MEI4: variants seen among roughly 807,000 people sequenced by gnomAD.
The protein encoded by MEI4 is meiosis-specific protein MEI4.
Under a neutral mutation model 31.4 loss-of-function variants are expected in MEI4, and 27 were observed. The observed-to-expected ratio is 0.86, with a 90% CI of 0.63 to 1.19. The LOEUF (loss-of-function observed/expected upper bound fraction) is 1.19. Ranked by LOEUF, MEI4 falls within the 50% of genes most tolerant of loss-of-function variation. The pLI, the probability that MEI4 is intolerant of heterozygous loss-of-function variation, is 0.00. For missense variants in MEI4, 329 were observed against 398.9 expected (o/e 0.82, Z 1.49); for synonymous variants, 122 against 145.4 (o/e 0.84, Z 1.16).
At chr6:77,821,287 T>C (rs924559711) in intron 3 of MEI4, among the ~76,000 whole-genome samples, 1 of 152,236 alleles carries the variant, frequency 6.6e-6, no homozygotes, top group Non-Finnish European at 1.5e-5. Flanking sequence ...TCAAGTTTAC[T>C]TGGTCAACTT....
intron 2 of MEI4, among the ~76,000 whole-genome samples, chr6:77,697,089 AT>A (rs1766068420): frequency 1.3e-5 from 2 of 152,158 alleles, no homozygotes; most frequent in South Asian, 4.1e-4. Context: ...GGTAGTTTGT[AT>A]TTCTGTGTGA....
intron 2 of MEI4, among the ~76,000 whole-genome samples, chr6:77,757,676 T>C (rs1767947724): frequency 6.6e-6 from 1 of 152,224 alleles, no homozygotes; most frequent in Non-Finnish European, 1.5e-5. Context: ...GAAGTTAAGC[T>C]TACCTTTAAG....
At chr6:77,763,447 C>A (rs1768089548) in intron 3 of MEI4, among the ~76,000 whole-genome samples, 1 of 152,120 alleles carries the variant, frequency 6.6e-6, no homozygotes. Context: ...ATGGTTTAGT[C>A]CATGGTGGCA....
At position 77,870,971 on chromosome 6, in the gene MEI4, C is replaced by T. The variant is rs1412751260; in HGVS notation, c.900+41909C>T. ...GTAATTCTGCATTTTTTACAAGTGCCTGTGAATTATATGTAAAGAAGACTT... is the reference window on the plus strand; with the variant it reads ...GTAATTCTGCATTTTTTACAAGTGCTTGTGAATTATATGTAAAGAAGACTT... On this transcript the variant is annotated intron_variant, in intron 4 of 4. Coordinates refer to ENST00000684080, the MANE Select transcript of MEI4 (RefSeq NM_001322247.2). Among the ~76,000 whole-genome samples the T allele has an allele frequency of 6.6e-5, 10 of 152,028 alleles. 1 individual carries two copies. The highest frequency in any genetic ancestry group is 6.6e-4 in the Admixed American group (10 of 15,246).
intron 2 of MEI4, among the ~76,000 whole-genome samples, chr6:77,711,555 A>T (rs1561954350): frequency 6.6e-6 from 1 of 152,092 alleles, no homozygotes; most frequent in Non-Finnish European, 1.5e-5. Flanking sequence ...CATGAATGAC[A>T]ATGGTGAGGG....
At position 77,868,731 on chromosome 6, in the gene MEI4, G is replaced by T. The variant is rs1016999874; in HGVS notation, c.900+39669G>T. The stretch of plus-strand genomic sequence containing the variant: ...ATTTTCCTCAGAGTTTAAAAAGAAA[G>T]AGAAAGCTATTAAGCAACACTCTCC... On this transcript the variant is annotated intron_variant, in intron 4 of 4. Coordinates refer to ENST00000684080, the MANE Select transcript of MEI4 (RefSeq NM_001322247.2). 4.6e-5 allele frequency among the ~76,000 whole-genome samples: 7 copies of T among 151,808 alleles called. 1 individual carries two copies. Among genetic ancestry groups the T allele is most frequent in the Admixed American group, 4.6e-4 (7 of 15,188 alleles).
chr6:77,688,825 T>C (rs904131078), intron 1 of MEI4, among the ~76,000 whole-genome samples: 7 of 152,116 alleles, frequency 4.6e-5, no homozygotes, highest in Non-Finnish European at 7.4e-5. Flanking sequence ...ATGTCTGTCC[T>C]GTGCACATAG....
At chr6:77,800,783 C>G (rs888427444) in intron 3 of MEI4, among the ~76,000 whole-genome samples, 6 of 152,002 alleles carry the variant, frequency 3.9e-5, no homozygotes, top group African/African-American at 1.4e-4. Flanking sequence ...TGTTTATATG[C>G]TGAATTAAGT....
chr6:77,766,999 A>C (rs1768192386), intron 3 of MEI4, among the ~76,000 whole-genome samples: 1 of 152,084 alleles, frequency 6.6e-6, no homozygotes, highest in Admixed American at 6.6e-5. Flanking sequence ...CAGTTACTTA[A>C]CCACTCTGCT....
chr6:77,684,894 G>T (rs960429479), intron 1 of MEI4, among the ~76,000 whole-genome samples: 5 of 152,064 alleles, frequency 3.3e-5, no homozygotes, highest in Admixed American at 3.3e-4. Flanking sequence ...ACATATGGTA[G>T]CTCAATTTTT....
At chr6:77,769,709 C>A (rs1016594243) in intron 3 of MEI4, among the ~76,000 whole-genome samples, 1 of 152,070 alleles carries the variant, frequency 6.6e-6, no homozygotes, top group Non-Finnish European at 1.5e-5. Flanking sequence ...CCATCCCAGA[C>A]CCTAGCTCCT....
chr6:77,677,545 A>G (rs113552967), intron 1 of MEI4, among the ~76,000 whole-genome samples: 166 of 152,296 alleles, frequency 1.1e-3, no homozygotes, highest in African/African-American at 2.6e-3. Flanking sequence ...TTCTGTCCTG[A>G]CACTTTTTCT....
intron 3 of MEI4, among the ~76,000 whole-genome samples, chr6:77,768,699 CAAA>C (rs11332685): frequency 3.4e-5 from 4 of 116,600 alleles, no homozygotes; most frequent in East Asian, 4.5e-4. Flanking sequence ...GACTCCATCT[CAAA>C]AAAAAAAAAA....
chr6:77,683,590 C>G lies in MEI4; in HGVS notation c.-14-7068C>G, dbSNP rs9448141. The stretch of plus-strand genomic sequence containing the variant: ...GCCCCCACCCTTGGAAACCACCATT[C>G]TATCTCTGTCTCTATAGGTTTGACT... On this transcript the variant is annotated intron_variant, in intron 1 of 4. Transcript: ENST00000684080. Among the ~76,000 whole-genome samples, 1,221 of 152,224 alleles carry G rather than the reference C, an allele frequency of 8.0e-3. 13 individuals carry two copies. Among genetic ancestry groups the G allele is most frequent in the African/African-American group, 0.027 (1,106 of 41,546 alleles).
intron 2 of MEI4, among the ~76,000 whole-genome samples, chr6:77,738,293 G>A (rs78443855): frequency 0.015 from 2,246 of 152,268 alleles, 22 homozygotes; most frequent in Non-Finnish European, 0.023. Flanking sequence ...CAGCTAAAAC[G>A]AATCTTCTCA....
At chr6:77,727,923 T>C (rs1231356656) in intron 2 of MEI4, among the ~76,000 whole-genome samples, 2 of 113,244 alleles carry the variant, frequency 1.8e-5, no homozygotes, top group African/African-American at 5.9e-5. Flanking sequence ...CAGATGTACA[T>C]TAGTTAGAGA....
At chr6:77,911,754 A>G (rs1318758986) in intron 4 of MEI4, among the ~76,000 whole-genome samples, 4 of 148,748 alleles carry the variant, frequency 2.7e-5, no homozygotes, top group African/African-American at 9.8e-5. Flanking sequence ...ATATAAATAC[A>G]TCTTCTTTAT....
chr6:77,829,183 A>G, intron 4 of MEI4, 121 bp downstream of exon 4: 1 of 732,626 alleles, frequency 1.4e-6, no homozygotes. Flanking sequence ...CCTTATGTCT[A>G]ATATATGTGA....
intron 4 of MEI4, among the ~76,000 whole-genome samples, chr6:77,841,243 C>G (rs1770349642): frequency 7.0e-6 from 1 of 143,464 alleles, no homozygotes; most frequent in Non-Finnish European, 1.5e-5. Context: ...CAGGAATTTT[C>G]AGTTGTATAG....
Sources: allele counts gnomAD v4.1 joint callset (sites outside exome capture counted in the v4.1 genomes callset), GRCh38; gene constraint gnomAD v4.1.1; transcripts MANE v1.5; gene names NCBI Gene and HGNC (gene_info 2026-07-23, HGNC 2026-07-21).